Variants in UNC45B observed in about 807,000 individuals in gnomAD.
UNC45B encodes unc-45 myosin chaperone B.
Under a neutral mutation model 98.7 loss-of-function variants are expected in UNC45B, and 78 were observed. The ratio of observed to expected loss-of-function variants is 0.79; its 90% confidence interval spans 0.66 to 0.95. The LOEUF is 0.95. Ranked by LOEUF, UNC45B falls within the 40% of genes least tolerant of loss-of-function variation. UNC45B has a pLI of 0.00. For synonymous variants in UNC45B, 462 were observed against 480.4 expected, an observed-to-expected ratio of 0.96 and a Z score of 0.50; for missense variants, 1,225 against 1,184.9, an observed-to-expected ratio of 1.03 and a Z score of -0.50.
At chr17:35,169,321 C>T (rs1367387833) in intron 10 of UNC45B, among the ~76,000 whole-genome samples, 2 of 152,196 alleles carry the variant, frequency 1.3e-5, no homozygotes, top group Non-Finnish European at 2.9e-5. Context: ...GGATTACAGG[C>T]GTGAGCCACC....
chr17:35,184,201 G>A (rs2092290209), intron 19 of UNC45B, among the ~76,000 whole-genome samples: 1 of 152,210 alleles, frequency 6.6e-6, no homozygotes, highest in Admixed American at 6.5e-5. Context: ...GTCAGTGTAA[G>A]GTATGTGTGT....
intron 18 of UNC45B, among the ~76,000 whole-genome samples, chr17:35,180,884 A>G (rs1237210792): frequency 6.6e-6 from 1 of 152,148 alleles, no homozygotes; most frequent in Admixed American, 6.5e-5. Flanking sequence ...AAAGGAAAAA[A>G]TACAAAGCTG....
intron 4 of UNC45B, chr17:35,151,263 G>A (rs1450397828): frequency 1.8e-5 from 4 of 217,460 alleles, no homozygotes; most frequent in Non-Finnish European, 2.8e-5. Context: ...CGCGGGCCTC[G>A]ATCAGAAGGA....
chr17:35,185,021 C>G (rs1027821474), intron 19 of UNC45B, among the ~76,000 whole-genome samples: 5 of 152,148 alleles, frequency 3.3e-5, no homozygotes, highest in African/African-American at 1.2e-4. Context: ...AGCGATGGGC[C>G]CTGGACCCAT....
chr17:35,181,635 A>G (rs553880899), intron 18 of UNC45B, among the ~76,000 whole-genome samples: 3 of 152,260 alleles, frequency 2.0e-5, no homozygotes, highest in African/African-American at 7.2e-5. Flanking sequence ...TACTAAAAGT[A>G]CAAACATTAG....
intron 12 of UNC45B, 86 bp from the exon 13 acceptor site, chr17:35,171,236 G>C: frequency 1.3e-6 from 2 of 1,544,720 alleles, no homozygotes; most frequent in Non-Finnish European, 8.8e-7. Flanking sequence ...CCAACCTGCC[G>C]GCCACGTGAG....
chr17:35,154,566 T>G lies in UNC45B; in HGVS notation c.472-8T>G, dbSNP rs777769839. ...CCTCGTAACCCTTATTGCCTCTTCCTCCTTCAGGCTGCCAACAATCTCATT... is the reference window on the plus strand; with the variant it reads ...CCTCGTAACCCTTATTGCCTCTTCCGCCTTCAGGCTGCCAACAATCTCATT... On this transcript the variant is annotated splice_region_variant and splice_polypyrimidine_tract_variant and intron_variant, in intron 5 of 19. Coordinates refer to ENST00000394570, the MANE Select transcript of UNC45B (RefSeq NM_001267052.2). The G allele has an allele frequency of 6.2e-7, 1 of 1,611,856 alleles. No homozygotes were observed. The highest frequency in any genetic ancestry group is 8.5e-7 in the Non-Finnish European group (1 of 1,179,212).
In UNC45B at chr17:35,154,751, C is replaced by T. The variant is rs373417277; in HGVS notation, c.639+10C>T. 3.6e-5 allele frequency: 56 copies of T among 1,570,800 alleles called. No individual in the cohort carries two copies. The highest frequency in any genetic ancestry group is 2.3e-4 in the Middle Eastern group (1 of 4,432). The stretch of plus-strand genomic sequence containing the variant: ...CGGCCACCAAGCCAGAGTAAGTGCC[C>T]GGCTGTGGGGCATGTGGAGCAGACG... On this transcript the variant is annotated intron_variant, in intron 6 of 19. Transcript: ENST00000394570.
chr17:35,161,284 A>C (rs1002488742), intron 8 of UNC45B, among the ~76,000 whole-genome samples: 6 of 152,238 alleles, frequency 3.9e-5, no homozygotes, highest in African/African-American at 1.4e-4. Context: ...ATATTCGAAT[A>C]CAAAGCTGCA....
intron 4 of UNC45B, among the ~76,000 whole-genome samples, chr17:35,152,154 G>C (rs1466874075): frequency 6.6e-6 from 1 of 152,178 alleles, no homozygotes; most frequent in Non-Finnish European, 1.5e-5. Context: ...GCTTAGACAG[G>C]AGAATCACTT....
intron 15 of UNC45B, 86 bp downstream of exon 15, chr17:35,176,120 G>C: frequency 7.3e-7 from 1 of 1,361,398 alleles, no homozygotes; most frequent in Middle Eastern, 1.8e-4. Context: ...GCCCCAACTC[G>C]ACCTCCTGGA....
chr17:35,170,610 C>T (rs192181302), intron 12 of UNC45B, among the ~76,000 whole-genome samples: 545 of 148,102 alleles, frequency 3.7e-3, no homozygotes, highest in Admixed American at 6.1e-3. Context: ...CTGAGGCGGG[C>T]GGATGGCTTG....
chr17:35,159,942 A>C (rs1016867298), intron 8 of UNC45B, among the ~76,000 whole-genome samples: 11 of 152,246 alleles, frequency 7.2e-5, no homozygotes, highest in African/African-American at 2.7e-4. Context: ...TTGTAAACCC[A>C]AAAGTATCTG....
intron 13 of UNC45B, among the ~76,000 whole-genome samples, chr17:35,173,772 T>C (rs2092206240): frequency 6.6e-6 from 1 of 151,928 alleles, no homozygotes; most frequent in South Asian, 2.1e-4. Context: ...CCTTTTGCCA[T>C]GTAAGGTCCC....
chr17:35,154,057 G>A (rs2092040806), intron 5 of UNC45B, among the ~76,000 whole-genome samples: 1 of 152,140 alleles, frequency 6.6e-6, no homozygotes, highest in Admixed American at 6.6e-5. Flanking sequence ...ACAGCTAGCA[G>A]GGAGCAGAAT....
chr17:35,170,372 C>T (rs1170124147), intron 12 of UNC45B, 117 bp downstream of exon 12: 31 of 1,246,418 alleles, frequency 2.5e-5, no homozygotes, highest in Admixed American at 6.2e-5. Context: ...CCTGTATAAA[C>T]ATGATTGGTT....
At chr17:35,159,324 T>C in intron 7 of UNC45B, 51 bp from the exon 8 acceptor site, 3 of 1,527,300 alleles carry the variant, frequency 2.0e-6, no homozygotes, top group Non-Finnish European at 2.7e-6. Flanking sequence ...TGGTCATATA[T>C]ATGTGAGATT....
chr17:35,177,045 C>T lies in UNC45B; in HGVS notation c.2054C>T (p.Thr685Ile), dbSNP rs1311988933. 6 of 1,614,064 alleles carry T rather than the reference C, an allele frequency of 3.7e-6. No homozygotes were observed. The African/African-American group carries it at 8.0e-5, about 22-fold the overall frequency. ...KALIPLALEGTDVGKVKAAHA... is the reference protein window; with the variant it reads ...KALIPLALEGIDVGKVKAAHA... ...CTGATTCCCCTGGCTTTGGAGGGCA[C>T]AGATGTGGGCAAGGTGAAGGCAGCC... is the stretch of plus-strand genomic sequence containing the variant. Residue 685 changes from threonine (T) to isoleucine (I), a missense_variant, in exon 16 of 20, where the codon ACA (threonine) becomes ATA (isoleucine). Physicochemically the swap from Thr to Ile is moderately conservative, Grantham distance 89 (BLOSUM62 -1). Coordinates refer to ENST00000394570, the MANE Select transcript of UNC45B (RefSeq NM_001267052.2).
Position 35,171,308 on chromosome 17 carries a change from C to G in UNC45B, c.1690-14C>G. ...CCTTTCTGCTTTCCCTCTCCCCAACCCTGTGCCTTCCAGACCAGTGACAAG... is the reference window on the plus strand; with the variant it reads ...CCTTTCTGCTTTCCCTCTCCCCAACGCTGTGCCTTCCAGACCAGTGACAAG... On this transcript the variant is annotated splice_polypyrimidine_tract_variant and intron_variant, in intron 12 of 19. Coordinates refer to ENST00000394570, the MANE Select transcript of UNC45B (RefSeq NM_001267052.2). The G allele has an allele frequency of 6.2e-7, 1 of 1,613,310 alleles. No homozygotes were observed. Among genetic ancestry groups the G allele is most frequent in the Non-Finnish European group, 8.5e-7 (1 of 1,179,562 alleles).
Sources: gnomAD v4.1 joint callset for allele counts (sites outside exome capture counted in the v4.1 genomes callset) on GRCh38, gnomAD v4.1.1 for gene constraint, MANE v1.5 for transcripts, NCBI Gene and HGNC (gene_info 2026-07-23, HGNC 2026-07-21) for gene names.